Variants in RIMBP2 observed in about 807,000 individuals in gnomAD.
The protein encoded by RIMBP2 is RIMS-binding protein 2.
Under a neutral mutation model 118.6 loss-of-function variants are expected in RIMBP2, and 48 were observed. That is an observed-to-expected ratio of 0.40 (90% CI 0.32 to 0.51). RIMBP2 has a LOEUF of 0.51. RIMBP2 is among the 20% of genes least tolerant of loss of function. RIMBP2 has a pLI of 0.41. For synonymous variants in RIMBP2, 762 were observed against 742.9 expected (o/e 1.03, Z -0.42); for missense variants, 1,551 against 1,768.3 (o/e 0.88, Z 2.20).
intron 3 of RIMBP2, among the ~76,000 whole-genome samples, chr12:130,512,996 A>C (rs1037421517): frequency 6.6e-6 from 1 of 152,148 alleles, no homozygotes; most frequent in Non-Finnish European, 1.5e-5. Context: ...AGGAAAAAAA[A>C]TGTTTAAAGA....
intron 2 of RIMBP2, among the ~76,000 whole-genome samples, chr12:130,579,342 C>T (rs1177988722): frequency 1.3e-5 from 2 of 152,130 alleles, no homozygotes; most frequent in African/African-American, 2.4e-5. Flanking sequence ...AGGGTGCCGA[C>T]GTGACCAGTC....
intron 2 of RIMBP2, among the ~76,000 whole-genome samples, chr12:130,570,624 C>T (rs758051748): frequency 2.0e-5 from 3 of 152,118 alleles, no homozygotes; most frequent in Non-Finnish European, 4.4e-5. Context: ...GTGGACGAGT[C>T]GTCTAGACTG....
intron 1 of RIMBP2, among the ~76,000 whole-genome samples, chr12:130,666,782 G>T (rs1200120460): frequency 7.9e-6 from 1 of 127,258 alleles, no homozygotes; most frequent in Non-Finnish European, 1.7e-5. Context: ...AGAGAGGGAA[G>T]AAGGGAGGGA....
At chr12:130,664,415 A>ACGCACGCACACACACACGCACG (rs1195044326) in intron 1 of RIMBP2, among the ~76,000 whole-genome samples, 1 of 130,496 alleles carries the variant, frequency 7.7e-6, no homozygotes, top group African/African-American at 2.8e-5. Context: ...ACGCACGCAC[A>ACGCACGCACACACACACGCACG]CACACGCACA....
intron 18 of RIMBP2, among the ~76,000 whole-genome samples, chr12:130,413,769 C>A (rs2136502262): frequency 6.6e-6 from 1 of 152,122 alleles, no homozygotes; most frequent in African/African-American, 2.4e-5. Flanking sequence ...TTTTCCCTCC[C>A]TTTCCCTCTC....
Position 130,450,362 on chromosome 12 carries a change from G to C in RIMBP2, c.505-86C>G, listed in dbSNP as rs1464901494. On this transcript the variant is annotated intron_variant, in intron 8 of 22. Transcript: ENST00000690449. The surrounding 1 kb of genome is among the most constrained non-coding windows in gnomAD (Gnocchi z 4.8). ...GCGGCACACGGGAAAGCCCCTCGCA[G>C]CTTCCTGGGCCCCAGGAGGGACGGC... is the stretch of plus-strand genomic sequence containing the variant. 1 of 1,000,246 alleles carries C rather than the reference G, an allele frequency of 1.0e-6. No individual in the cohort carries two copies. The highest frequency in any genetic ancestry group is 2.0e-5 in the Admixed American group (1 of 50,386). The allele number at this position is 1,000,246 out of a possible 1,614,324, so 62.0% of individuals were successfully genotyped here. A position where few individuals can be genotyped will look rare whatever the true frequency, so the allele number is the denominator to read the frequency against.
chr12:130,424,709 C>T lies in RIMBP2; in HGVS notation c.2562G>A (p.Gly854=). The part of the protein sequence containing the change: ...CCGLLHKQGA[G]PSPRARTGLA... ...GCCCCGTCCTGGCCCTGGGGGACGG[C>T]CCTGCACCCTGCTTGTGTAGCAGCC... The change falls in exon 16 of 23, where the codon GGG becomes GGA. Residue 854 remains glycine, a synonymous_variant. Coordinates refer to ENST00000690449, the MANE Select transcript of RIMBP2 (RefSeq NM_001393629.1). The surrounding 1 kb of genome is among the most constrained non-coding windows in gnomAD (Gnocchi z 9.8). The T allele has an allele frequency of 1.6e-6, 2 of 1,232,258 alleles. No homozygotes were observed. The highest frequency in any genetic ancestry group is 2.0e-6 in the Non-Finnish European group (2 of 988,068). 76.3% of individuals were successfully genotyped at this position (1,232,258 alleles called of 1,614,324 possible). A position where few individuals can be genotyped will look rare whatever the true frequency, so the allele number is the denominator to read the frequency against.
intron 11 of RIMBP2, 82 bp downstream of exon 11, chr12:130,441,766 T>G: frequency 8.0e-7 from 1 of 1,257,604 alleles, no homozygotes; most frequent in South Asian, 1.5e-5. Context: ...TGCTTCTGCC[T>G]GCCCCACCTT....
At chr12:130,445,504 G>C (rs1156952674) in intron 9 of RIMBP2, among the ~76,000 whole-genome samples, 3 of 152,170 alleles carry the variant, frequency 2.0e-5, no homozygotes, top group African/African-American at 7.2e-5. Context: ...TATATGCTCA[G>C]AACTATTTGC....
At chr12:130,501,394 C>G (rs908910939) in intron 4 of RIMBP2, among the ~76,000 whole-genome samples, 3 of 152,174 alleles carry the variant, frequency 2.0e-5, no homozygotes, top group Non-Finnish European at 4.4e-5. Context: ...GAAAACTATG[C>G]CACAGTCACT....
At chr12:130,679,882 G>A (rs1594193636) in intron 1 of RIMBP2, among the ~76,000 whole-genome samples, 1 of 151,514 alleles carries the variant, frequency 6.6e-6, no homozygotes, top group Non-Finnish European at 1.5e-5. Flanking sequence ...CGCCCGCCAC[G>A]GGAAGGATCC....
chr12:130,591,379 G>A (rs1214168670), intron 2 of RIMBP2, among the ~76,000 whole-genome samples: 5 of 152,242 alleles, frequency 3.3e-5, no homozygotes, highest in South Asian at 4.1e-4. Context: ...TGGGGAGCAC[G>A]GCTCCTAGGC....
intron 1 of RIMBP2, among the ~76,000 whole-genome samples, chr12:130,697,995 C>T (rs1014674678): frequency 3.3e-5 from 5 of 152,144 alleles, no homozygotes; most frequent in African/African-American, 1.2e-4. Context: ...GGGATTTGAG[C>T]CGTCTTCAAC....
intron 21 of RIMBP2, among the ~76,000 whole-genome samples, chr12:130,401,229 C>T (rs1287160274): frequency 2.0e-5 from 3 of 152,074 alleles, no homozygotes; most frequent in Admixed American, 6.6e-5. Flanking sequence ...AATTCTCCCA[C>T]CTCAGCCTCC....
intron 2 of RIMBP2, among the ~76,000 whole-genome samples, chr12:130,547,291 T>C: frequency 6.6e-6 from 1 of 152,260 alleles, no homozygotes; most frequent in East Asian, 1.9e-4. Flanking sequence ...TTCTTTAGCA[T>C]TACTTAGTGT....
At position 130,597,614 on chromosome 12, in the gene RIMBP2, G is replaced by C. The variant is rs77700033; in HGVS notation, c.-217+30708C>G. On this transcript the variant is annotated intron_variant, in intron 2 of 22. Coordinates refer to ENST00000690449, the MANE Select transcript of RIMBP2 (RefSeq NM_001393629.1). ...TAGTTTAACATGTGAAAAATCAATC[G>C]ATGTCATTCATTATACAAAGAATTC... 9.1e-3 allele frequency among the ~76,000 whole-genome samples: 1,387 copies of C among 152,270 alleles called. 23 individuals carry two copies. The highest frequency in any genetic ancestry group is 0.032 in the African/African-American group (1,341 of 41,548).
chr12:130,546,663 C>A (rs1245898803), intron 2 of RIMBP2, among the ~76,000 whole-genome samples: 1 of 152,122 alleles, frequency 6.6e-6, no homozygotes, highest in African/African-American at 2.4e-5. Context: ...CAGAGACAAC[C>A]TTCTTTTCAT....
At chr12:130,614,841 TATATATAAAATACA>T (rs2060799176) in intron 2 of RIMBP2, among the ~76,000 whole-genome samples, 2 of 150,704 alleles carry the variant, frequency 1.3e-5, no homozygotes, top group Non-Finnish European at 3.0e-5. Flanking sequence ...ATCAAATATA[TATATATAAAATACA>T]GATATATAAA....
chr12:130,637,537 T>C (rs183978082), intron 1 of RIMBP2, among the ~76,000 whole-genome samples: 3 of 152,176 alleles, frequency 2.0e-5, no homozygotes, highest in African/African-American at 7.2e-5. Context: ...TGGGAACATA[T>C]AATAAGAGTA....
Sources: gnomAD v4.1 joint callset for allele counts (sites outside exome capture counted in the v4.1 genomes callset) on GRCh38, gnomAD v4.1.1 for gene constraint, Gnocchi (gnomAD v3.1) non-coding constraint, MANE v1.5 for transcripts, NCBI Gene and HGNC (gene_info 2026-07-23, HGNC 2026-07-21) for gene names.